BCL11A: variants seen among roughly 807,000 people sequenced by gnomAD.
The protein encoded by BCL11A is B cell CLL/lymphoma 11A.
BCL11A carries 2 observed loss-of-function variants against 55.9 expected under a neutral mutation model. The observed-to-expected ratio is 0.04, with a 90% CI of 0.01 to 0.11. The LOEUF is 0.11. Among genes scored for constraint, BCL11A ranks in the 10% least tolerant of loss-of-function variants. The probability of loss-of-function intolerance (pLI) is 1.00; values close to 1 mark genes in which losing one functional copy is unlikely to be tolerated. For missense variants in BCL11A, 817 were observed against 1,137.1 expected, an observed-to-expected ratio of 0.72 and a Z score of 4.05; for synonymous variants, 465 against 473.4, an observed-to-expected ratio of 0.98 and a Z score of 0.23.
chr2:60,462,121 G>C lies in BCL11A; in HGVS notation c.791C>G (p.Pro264Arg). The part of the protein sequence containing the change: ...LAEGRFPPTP[P>R]LFSPPPRHHL... ...ATGTCTCGGTGGTGGACTAAACAGG[G>C]GGGGAGTGGGTGGAAAGCGCCCTTC... The change falls in exon 4 of 4, where the codon CCC becomes CGC. Residue 264 changes from proline to arginine, a missense_variant. Around this residue, in one of 4 missense-constraint regions of BCL11A, gnomAD observed 363 missense variants for 486.6 expected, o/e 0.75. Coordinates refer to ENST00000642384, the MANE Select transcript of BCL11A (RefSeq NM_022893.4). 3.2e-6 allele frequency: 5 copies of C among 1,554,170 alleles called. No individual in the cohort carries two copies. Among genetic ancestry groups the C allele is most frequent in the South Asian group, 2.5e-5 (2 of 81,228 alleles).
At chr2:60,501,340 A>C (rs1005204836) in intron 2 of BCL11A, among the ~76,000 whole-genome samples, 6 of 152,158 alleles carry the variant, frequency 3.9e-5, no homozygotes, top group African/African-American at 1.4e-4. Context: ...CTATAAGAGC[A>C]CAGGTAAGTG....
intron 2 of BCL11A, among the ~76,000 whole-genome samples, chr2:60,485,157 C>A (rs1209929894): frequency 6.6e-6 from 1 of 152,176 alleles, no homozygotes; most frequent in Admixed American, 6.5e-5. Context: ...CTAAACAGGC[C>A]CCTTCTTCCT....
Position 60,546,396 on chromosome 2 carries a change from T to G in BCL11A, c.56-96A>C. On this transcript the variant is annotated intron_variant, in intron 1 of 3. Coordinates refer to ENST00000642384, the MANE Select transcript of BCL11A (RefSeq NM_022893.4). This position sits in a 1 kb window ranked among gnomAD's most constrained non-coding sequence, Gnocchi z 4.1. ...AACCCCATGCCATCCCACCACATCA[T>G]GTAAAGTGTTTCTAGGCTTCTCTAT... 1.9e-6 allele frequency: 2 copies of G among 1,027,120 alleles called. No homozygotes were observed. The allele number at this position is 1,027,120 out of a possible 1,614,324, so 63.6% of individuals were successfully genotyped here. A position where few individuals can be genotyped will look rare whatever the true frequency, so the allele number is the denominator to read the frequency against.
intron 3 of BCL11A, among the ~76,000 whole-genome samples, chr2:60,464,890 T>C (rs1676511782): frequency 6.6e-6 from 1 of 152,218 alleles, no homozygotes; most frequent in Non-Finnish European, 1.5e-5. Flanking sequence ...AAAATGGCAT[T>C]TTATCTTATA....
chr2:60,516,535 G>A (rs906346682), intron 2 of BCL11A, among the ~76,000 whole-genome samples: 5 of 152,212 alleles, frequency 3.3e-5, no homozygotes, highest in African/African-American at 4.8e-5. Flanking sequence ...AGACAAGATC[G>A]TAACTCACCG....
chr2:60,460,614 G>A lies in BCL11A; in HGVS notation c.2298C>T (p.Gly766=), dbSNP rs1676197870. 1 of 1,613,976 alleles carries A rather than the reference G, an allele frequency of 6.2e-7. No individual in the cohort carries two copies. Among genetic ancestry groups the A allele is most frequent in the Non-Finnish European group, 8.5e-7 (1 of 1,180,050 alleles). The change falls in exon 4 of 4, where the codon GGC becomes GGT. Residue 766 remains glycine (G), a synonymous_variant. Coordinates refer to ENST00000642384, the MANE Select transcript of BCL11A (RefSeq NM_022893.4). The part of the protein sequence containing the change: ...NLTVHRRSHT[G]ERPYKCELCN... Reference sequence around the variant, plus strand: ...ACAGCTCGCATTTATAAGGCCTTTCGCCCGTGTGGCTTCTCCTGTGGACAG... The same window carrying A: ...ACAGCTCGCATTTATAAGGCCTTTCACCCGTGTGGCTTCTCCTGTGGACAG...
At chr2:60,511,906 A>T (rs1680010984) in intron 2 of BCL11A, among the ~76,000 whole-genome samples, 1 of 152,170 alleles carries the variant, frequency 6.6e-6, no homozygotes, top group South Asian at 2.1e-4. Context: ...TTCCTCTGCT[A>T]CGCCCAGTGG....
chr2:60,460,815 G>A lies in BCL11A; in HGVS notation c.2097C>T (p.Phe699=), dbSNP rs747231942. The A allele has an allele frequency of 8.1e-6, 13 of 1,612,736 alleles. No homozygotes were observed. The highest frequency in any genetic ancestry group is 1.0e-5 in the Non-Finnish European group (12 of 1,180,036). Residue 699 remains phenylalanine, a synonymous_variant, in exon 4 of 4, where the codon TTC becomes TTT. Coordinates refer to ENST00000642384, the MANE Select transcript of BCL11A (RefSeq NM_022893.4). ...CGTCCAGCTCCCCGGGCGGTGTGGA[G>A]AAGCGCAAACTCCCGTTCTCCGAGG... The part of the protein sequence containing the change: ...EHSSENGSLR[F]STPPGELDGG...
Position 60,546,475 on chromosome 2 carries a change from A to G in BCL11A, c.56-175T>C. 1.6e-6 allele frequency: 1 copy of G among 618,472 alleles called. No homozygotes were observed. The allele number at this position is 618,472 out of a possible 1,614,324, so 38.3% of individuals were successfully genotyped here. On this transcript the variant is annotated intron_variant, in intron 1 of 3. Coordinates refer to ENST00000642384, the MANE Select transcript of BCL11A (RefSeq NM_022893.4). The surrounding 1 kb of genome is among the most constrained non-coding windows in gnomAD (Gnocchi z 4.1). ...AAAGTACAAGGATGTGAAGGTTATC[A>G]ACCAGAGAGCAAATTTGTCAATGAG...
chr2:60,465,870 T>C (rs964563279), intron 3 of BCL11A, among the ~76,000 whole-genome samples: 14 of 152,186 alleles, frequency 9.2e-5, no homozygotes, highest in African/African-American at 3.4e-4. Flanking sequence ...CCCGAACGGC[T>C]TCCAGAGGAA....
rs980375948 is a variant in BCL11A, at chr2:60,459,768, T to C, written c.*636A>G. 4.8e-6 allele frequency: 5 copies of C among 1,041,042 alleles called. No homozygotes were observed. The African/African-American group carries it at 5.0e-5, about 10-fold the overall frequency. 64.5% of individuals were successfully genotyped at this position (1,041,042 alleles called of 1,614,324 possible). A position where few individuals can be genotyped will look rare whatever the true frequency, so the allele number is the denominator to read the frequency against. ...AAGGCCTTTTTTCTTCCTTTCCAAT[T>C]GATACATTTAACCCTTTAGAGACAG... On this transcript the variant is annotated 3_prime_UTR_variant, in exon 4 of 4. Coordinates refer to ENST00000642384, the MANE Select transcript of BCL11A (RefSeq NM_022893.4).
intron 2 of BCL11A, among the ~76,000 whole-genome samples, chr2:60,517,262 A>G (rs1668772123): frequency 6.6e-6 from 1 of 152,110 alleles, no homozygotes; most frequent in Admixed American, 6.5e-5. Flanking sequence ...CATCTACTCC[A>G]TTATCTCCAG....
chr2:60,524,668 T>G (rs1158329704), intron 2 of BCL11A: 1 of 152,188 alleles, frequency 6.6e-6, no homozygotes, highest in African/African-American at 2.4e-5. Context: ...CAAGAGTGCC[T>G]GTGTCCTACA....
At chr2:60,491,942 T>C (rs1678666291) in intron 2 of BCL11A, among the ~76,000 whole-genome samples, 1 of 152,204 alleles carries the variant, frequency 6.6e-6, no homozygotes, top group South Asian at 2.1e-4. Context: ...GCATTTACGC[T>C]AAATACCTTG....
intron 1 of BCL11A, among the ~76,000 whole-genome samples, chr2:60,549,550 G>A (rs768850998): frequency 6.6e-6 from 1 of 152,198 alleles, no homozygotes; most frequent in Non-Finnish European, 1.5e-5. Context: ...GGCACAAAGC[G>A]AGCAGCGTGC....
At position 60,459,654 on chromosome 2, in the gene BCL11A, G is replaced by C; in HGVS notation, c.*750C>G. 9.7e-7 allele frequency: 1 copy of C among 1,032,404 alleles called. No homozygotes were observed. The highest frequency in any genetic ancestry group is 1.2e-6 in the Non-Finnish European group (1 of 858,088). 64.0% of individuals were successfully genotyped at this position (1,032,404 alleles called of 1,614,324 possible). ...TTTATAACAAGTAGAAAGAACCATC[G>C]ATGTGGTTTTAATAGATCCAAGGCA... On this transcript the variant is annotated 3_prime_UTR_variant, in exon 4 of 4. Transcript: ENST00000642384.
At chr2:60,495,065 CA>C (rs977312502) in intron 2 of BCL11A, among the ~76,000 whole-genome samples, 1 of 152,174 alleles carries the variant, frequency 6.6e-6, no homozygotes, top group Non-Finnish European at 1.5e-5. Flanking sequence ...ACCTCCTTTA[CA>C]ATTTTGGGAG....
At chr2:60,537,855 G>A (rs1669738556) in intron 2 of BCL11A, 1 of 152,254 alleles carries the variant, frequency 6.6e-6, no homozygotes, top group African/African-American at 2.4e-5. Flanking sequence ...CACCCTTGCA[G>A]GTTTCACAAT....
intron 2 of BCL11A, among the ~76,000 whole-genome samples, chr2:60,511,099 A>G (rs556264514): frequency 8.5e-5 from 13 of 152,162 alleles, no homozygotes; most frequent in Non-Finnish European, 1.6e-4. Context: ...ACTCATATCC[A>G]ATACTGTGCA....
Sources: allele counts gnomAD v4.1 joint callset (sites outside exome capture counted in the v4.1 genomes callset), GRCh38; gene constraint gnomAD v4.1.1; regional missense constraint gnomAD v4.1.1; non-coding constraint Gnocchi (gnomAD v3.1); transcripts MANE v1.5; gene names NCBI Gene and HGNC (gene_info 2026-07-23, HGNC 2026-07-21).